The following ERGIC1 variants were observed in gnomAD, a reference collection of about 807,000 sequenced individuals.
The protein encoded by ERGIC1 is endoplasmic reticulum-golgi intermediate compartment 1, also known as endoplasmic reticulum-Golgi intermediate compartment protein 1.
Under a neutral mutation model 38.3 loss-of-function variants are expected in ERGIC1, and 19 were observed. The ratio of observed to expected loss-of-function variants is 0.50; its 90% CI spans 0.35 to 0.73. ERGIC1 has a LOEUF of 0.73. Ranked by LOEUF, ERGIC1 falls within the 30% of genes least tolerant of loss-of-function variation. The pLI, the probability that ERGIC1 is intolerant of heterozygous loss-of-function variation, is 0.01. For missense variants in ERGIC1, 294 were observed against 389.2 expected (o/e 0.76, Z 2.06); for synonymous variants, 124 against 157.6 (o/e 0.79, Z 1.60).
chr5:172,869,212 G>A (rs1761944016), intron 1 of ERGIC1, among the ~76,000 whole-genome samples: 1 of 152,250 alleles, frequency 6.6e-6, no homozygotes, highest in South Asian at 2.1e-4. Flanking sequence ...GAAGGAGGAG[G>A]TGAGGGGGGT....
Position 172,918,853 on chromosome 5 carries a change from C to T in ERGIC1, c.375+4015C>T, listed in dbSNP as rs557915134. ...CCCACCTCATCCTCTTGGGGAACCA[C>T]TACTCACCCACAGGCCTCAGCTGAT... On this transcript the variant is annotated intron_variant, in intron 5 of 9. Coordinates refer to ENST00000393784, the MANE Select transcript of ERGIC1 (RefSeq NM_001031711.3). Among the ~76,000 whole-genome samples the T allele has an allele frequency of 1.8e-4, 28 of 152,354 alleles. No individual in the cohort carries two copies. The South Asian group carries it at 5.6e-3, about 30-fold the overall frequency.
intron 3 of ERGIC1, among the ~76,000 whole-genome samples, chr5:172,901,098 G>C (rs925513596): frequency 6.6e-6 from 1 of 152,186 alleles, no homozygotes; most frequent in African/African-American, 2.4e-5. Flanking sequence ...CAGGTTTGTG[G>C]CCACAGTGGG....
intron 5 of ERGIC1, chr5:172,917,517 A>G (rs1430297695): frequency 6.6e-6 from 1 of 152,172 alleles, no homozygotes; most frequent in Non-Finnish European, 1.5e-5. Context: ...TGCTAGAACA[A>G]GCGCCCCTCA....
At chr5:172,906,899 C>T (rs936928600) in intron 3 of ERGIC1, among the ~76,000 whole-genome samples, 1 of 152,148 alleles carries the variant, frequency 6.6e-6, no homozygotes, top group African/African-American at 2.4e-5. Flanking sequence ...TTGGGGATGC[C>T]TCAAGACACC....
Position 172,947,994 on chromosome 5 carries a change from A to C in ERGIC1, c.766-2715A>C, listed in dbSNP as rs558136572. On this transcript the variant is annotated intron_variant, in intron 9 of 9. Coordinates refer to ENST00000393784, the MANE Select transcript of ERGIC1 (RefSeq NM_001031711.3). Reference sequence around the variant, plus strand: ...CCAAGCTCTAAAAGCGTTTTGTGGTATAAAATCTCCCATCATCTGATCCAC... The same window carrying C: ...CCAAGCTCTAAAAGCGTTTTGTGGTCTAAAATCTCCCATCATCTGATCCAC... Among the ~76,000 whole-genome samples, 16 of 152,138 alleles carry C rather than the reference A, an allele frequency of 1.1e-4. No individual in the cohort carries two copies. The East Asian group carries it at 2.9e-3, about 28-fold the overall frequency.
intron 4 of ERGIC1, among the ~76,000 whole-genome samples, chr5:172,913,094 A>G (rs1001349365): frequency 6.6e-6 from 1 of 152,120 alleles, no homozygotes; most frequent in Non-Finnish European, 1.5e-5. Flanking sequence ...AACCCTCACA[A>G]CAAGCCTGTG....
chr5:172,871,684 G>A (rs1212393621), intron 1 of ERGIC1, among the ~76,000 whole-genome samples: 1 of 152,172 alleles, frequency 6.6e-6, no homozygotes, highest in Non-Finnish European at 1.5e-5. Flanking sequence ...TGATGAAGGA[G>A]AGAGAGGGGG....
At chr5:172,917,602 G>T (rs925731160) in intron 5 of ERGIC1, 3 of 152,142 alleles carry the variant, frequency 2.0e-5, no homozygotes, top group Admixed American at 1.3e-4. Context: ...GTAGATCCGT[G>T]TTCTAAACCT....
intron 5 of ERGIC1, chr5:172,920,319 C>T (rs948435844): frequency 6.3e-5 from 45 of 717,570 alleles, no homozygotes; most frequent in Non-Finnish European, 9.9e-5. Flanking sequence ...TCTCTCCCAG[C>T]ATCAGGCTGA....
chr5:172,916,022 G>C (rs575383831), intron 5 of ERGIC1: 1 of 190,648 alleles, frequency 5.2e-6, no homozygotes, highest in Non-Finnish European at 1.1e-5. Flanking sequence ...CACTGGGTCC[G>C]TGTTCCCGCT....
intron 8 of ERGIC1, chr5:172,934,957 C>T (rs553483932): frequency 4.5e-5 from 25 of 557,846 alleles, no homozygotes; most frequent in African/African-American, 3.0e-4. Context: ...TTGCAGCTCA[C>T]TTGGTCAATT....
intron 1 of ERGIC1, among the ~76,000 whole-genome samples, chr5:172,845,568 G>A (rs710109): frequency 0.19 from 28,306 of 152,160 alleles, 2,754 homozygotes; most frequent in East Asian, 0.34. Context: ...ATAGTGCTGA[G>A]CCAAACAGAC....
Position 172,926,193 on chromosome 5 carries a change from T to C in ERGIC1, c.481-316T>C, listed in dbSNP as rs34291941. On this transcript the variant is annotated intron_variant, in intron 6 of 9. Coordinates refer to ENST00000393784, the MANE Select transcript of ERGIC1 (RefSeq NM_001031711.3). The surrounding 1 kb of genome is among the most constrained non-coding windows in gnomAD (Gnocchi z 5.2). The stretch of plus-strand genomic sequence containing the variant: ...TAGCCACTTACCAGCCGGGCAAGTT[T>C]TGGTGTCTTTCCAAGCCTTGATTTG... Among the ~76,000 whole-genome samples the C allele has an allele frequency of 2.3e-3, 346 of 152,298 alleles. No homozygotes were observed. The highest frequency in any genetic ancestry group is 3.9e-3 in the Non-Finnish European group (265 of 68,034).
chr5:172,910,462 G>C (rs917415476), intron 4 of ERGIC1, among the ~76,000 whole-genome samples: 1 of 152,086 alleles, frequency 6.6e-6, no homozygotes, highest in African/African-American at 2.4e-5. Context: ...TGAAGGGCTG[G>C]GAGATTCCCT....
chr5:172,909,110 C>T (rs1480475355), intron 3 of ERGIC1, among the ~76,000 whole-genome samples: 1 of 150,400 alleles, frequency 6.6e-6, no homozygotes, highest in African/African-American at 2.4e-5. Flanking sequence ...AAGATATGCT[C>T]TTACCACCGT....
At chr5:172,920,444 T>G (rs1315722455) in intron 5 of ERGIC1, 2 of 717,736 alleles carry the variant, frequency 2.8e-6, no homozygotes, top group Non-Finnish European at 5.2e-6. Flanking sequence ...CACGGTGACC[T>G]CGTTTCATCA....
At chr5:172,893,692 T>G (rs1473561111) in intron 2 of ERGIC1, among the ~76,000 whole-genome samples, 1 of 151,152 alleles carries the variant, frequency 6.6e-6, no homozygotes, top group African/African-American at 2.4e-5. Flanking sequence ...TCTCTTCCAG[T>G]GGATTTGTTC....
intron 1 of ERGIC1, among the ~76,000 whole-genome samples, chr5:172,859,486 T>TG (rs201300056): frequency 1.5e-5 from 2 of 135,582 alleles, no homozygotes; most frequent in Admixed American, 7.1e-5. Flanking sequence ...GACTGAAGGG[T>TG]GGGAAAAAAA....
Position 172,879,756 on chromosome 5 carries a change from A to C in ERGIC1, c.21-8943A>C, listed in dbSNP as rs183904918. The stretch of plus-strand genomic sequence containing the variant: ...GCATGGGATCAATGGGAAACCTTCT[A>C]TGTGGGAGGTTTTATTCCGCACACA... On this transcript the variant is annotated intron_variant, in intron 1 of 9. Coordinates refer to ENST00000393784, the MANE Select transcript of ERGIC1 (RefSeq NM_001031711.3). 2.2e-4 allele frequency among the ~76,000 whole-genome samples: 33 copies of C among 152,282 alleles called. 1 individual carries two copies. The East Asian group carries it at 6.0e-3, about 28-fold the overall frequency.
Sources: allele counts gnomAD v4.1 joint callset (sites outside exome capture counted in the v4.1 genomes callset), GRCh38; gene constraint gnomAD v4.1.1; non-coding constraint Gnocchi (gnomAD v3.1); transcripts MANE v1.5; gene names NCBI Gene and HGNC (gene_info 2026-07-23, HGNC 2026-07-21).